SNTG1: variants seen among roughly 807,000 people sequenced by gnomAD.
SNTG1 encodes the protein gamma-1-syntrophin.
SNTG1 carries 39 observed loss-of-function variants against 74.7 expected under a neutral mutation model. The observed-to-expected ratio is 0.52, with a 90% confidence interval of 0.40 to 0.68. The LOEUF is 0.68. Among genes scored for constraint, SNTG1 ranks in the 30% least tolerant of loss-of-function variants. The probability of loss-of-function intolerance (pLI) is 0.00; values close to 1 mark genes in which losing one functional copy is unlikely to be tolerated. For synonymous variants in SNTG1, 254 were observed against 217.1 expected (o/e 1.17, Z -1.49); for missense variants, 685 against 609.5 (o/e 1.12, Z -1.30).
At chr8:50,244,670 G>A (rs1216970423) in intron 2 of SNTG1, among the ~76,000 whole-genome samples, 2 of 152,182 alleles carry the variant, frequency 1.3e-5, no homozygotes, top group African/African-American at 4.8e-5. Context: ...TAGCACAGCA[G>A]ACATTCTCAT....
intron 1 of SNTG1, among the ~76,000 whole-genome samples, chr8:50,047,139 G>A (rs1378418435): frequency 1.3e-5 from 2 of 151,978 alleles, no homozygotes; most frequent in Non-Finnish European, 2.9e-5. Flanking sequence ...GAGCTCAGGA[G>A]ACCAACCTGG....
intron 2 of SNTG1, among the ~76,000 whole-genome samples, chr8:50,180,224 G>A (rs1354501126): frequency 1.3e-5 from 2 of 152,148 alleles, no homozygotes; most frequent in African/African-American, 2.4e-5. Context: ...GGAATCTTAA[G>A]TCAAATACAC....
At chr8:50,379,358 G>C (rs561214558) in intron 2 of SNTG1, among the ~76,000 whole-genome samples, 1 of 152,188 alleles carries the variant, frequency 6.6e-6, no homozygotes, top group African/African-American at 2.4e-5. Context: ...GAGATGCCTT[G>C]GTTTACAGCC....
chr8:50,769,218 T>C (rs1201407725), intron 18 of SNTG1, among the ~76,000 whole-genome samples: 1 of 151,968 alleles, frequency 6.6e-6, no homozygotes, highest in Non-Finnish European at 1.5e-5. Flanking sequence ...TAACATCTTA[T>C]AGATAAAACA....
intron 1 of SNTG1, among the ~76,000 whole-genome samples, chr8:50,127,933 T>C (rs2081198217): frequency 6.6e-6 from 1 of 152,176 alleles, no homozygotes; most frequent in Non-Finnish European, 1.5e-5. Flanking sequence ...ATATCACTTC[T>C]GTATTCAATA....
chr8:50,575,240 G>A (rs1373205445), intron 12 of SNTG1, among the ~76,000 whole-genome samples: 2 of 152,066 alleles, frequency 1.3e-5, no homozygotes, highest in African/African-American at 4.8e-5. Context: ...GTTCGTTTAT[G>A]GGGGCTTTAT....
chr8:50,255,370 T>C (rs2086834651), intron 2 of SNTG1, among the ~76,000 whole-genome samples: 1 of 152,198 alleles, frequency 6.6e-6, no homozygotes, highest in Admixed American at 6.5e-5. Context: ...TAAAGGATAT[T>C]ATCACACTTT....
At chr8:50,138,435 T>A (rs1050850922) in intron 1 of SNTG1, among the ~76,000 whole-genome samples, 1 of 151,672 alleles carries the variant, frequency 6.6e-6, no homozygotes, top group Non-Finnish European at 1.5e-5. Flanking sequence ...CTGGCCAATA[T>A]GGTGAAACTC....
At chr8:50,700,777 A>C (rs1053472297) in intron 15 of SNTG1, among the ~76,000 whole-genome samples, 10 of 152,156 alleles carry the variant, frequency 6.6e-5, no homozygotes, top group Admixed American at 4.6e-4. Context: ...TTATTTTAAC[A>C]TATTTCTCTC....
intron 11 of SNTG1, among the ~76,000 whole-genome samples, chr8:50,547,143 G>A (rs765344949): frequency 6.6e-6 from 1 of 152,084 alleles, no homozygotes; most frequent in Non-Finnish European, 1.5e-5. Context: ...CGTCTGATGC[G>A]GCAGCTGCCC....
chr8:50,115,567 C>CAAAAAAAAAAAAAAA (rs11386539), intron 1 of SNTG1, among the ~76,000 whole-genome samples: 2 of 40,512 alleles, frequency 4.9e-5, no homozygotes, highest in African/African-American at 1.3e-4. Flanking sequence ...GACTCTGTCT[C>CAAAAAAAAAAAAAAA]AAAAAAAAAA....
chr8:50,318,526 T>A (rs531675514), intron 2 of SNTG1, among the ~76,000 whole-genome samples: 3 of 152,252 alleles, frequency 2.0e-5, no homozygotes, highest in African/African-American at 4.8e-5. Context: ...AATCTCTCAA[T>A]TACTCACAAT....
intron 9 of SNTG1, among the ~76,000 whole-genome samples, chr8:50,521,175 AACCAAAC>A (rs1424636455): frequency 4.6e-5 from 7 of 152,290 alleles, no homozygotes; most frequent in African/African-American, 1.7e-4. Context: ...AGGAACAGAA[AACCAAAC>A]ACCAGGTTCT....
chr8:50,356,224 C>G (rs556246993), intron 2 of SNTG1, among the ~76,000 whole-genome samples: 123 of 152,166 alleles, frequency 8.1e-4, no homozygotes, highest in Middle Eastern at 3.4e-3. Context: ...AGGAGCCATT[C>G]AAGTCATTTT....
At chr8:50,024,923 C>T (rs1326791848) in intron 1 of SNTG1, among the ~76,000 whole-genome samples, 1 of 152,012 alleles carries the variant, frequency 6.6e-6, no homozygotes, top group Non-Finnish European at 1.5e-5. Context: ...GATCTCATCA[C>T]GTTACTCAGT....
intron 2 of SNTG1, among the ~76,000 whole-genome samples, chr8:50,235,415 A>T (rs777138864): frequency 1.3e-5 from 2 of 152,196 alleles, no homozygotes; most frequent in African/African-American, 4.8e-5. Context: ...AGAATTAATC[A>T]TTCTGTATAT....
chr8:50,535,572 A>C (rs1024409158), intron 10 of SNTG1, among the ~76,000 whole-genome samples: 2 of 152,192 alleles, frequency 1.3e-5, no homozygotes, highest in African/African-American at 4.8e-5. Context: ...GGGACCCCTC[A>C]CTAAGTGATC....
At chr8:50,439,945 G>A (rs544622768) in intron 5 of SNTG1, among the ~76,000 whole-genome samples, 16 of 150,336 alleles carry the variant, frequency 1.1e-4, no homozygotes, top group South Asian at 1.0e-3. Flanking sequence ...GTTGTTTTTC[G>A]TATTTTAAAT....
chr8:50,205,580 C>T (rs1315798942), intron 2 of SNTG1, among the ~76,000 whole-genome samples: 2 of 152,128 alleles, frequency 1.3e-5, no homozygotes, highest in Non-Finnish European at 2.9e-5. Flanking sequence ...AATTAGATCC[C>T]ATTTGTCCAT....
Sources: allele counts gnomAD v4.1 joint callset (sites outside exome capture counted in the v4.1 genomes callset), GRCh38; gene constraint gnomAD v4.1.1; transcripts MANE v1.5; gene names NCBI Gene and HGNC (gene_info 2026-07-23, HGNC 2026-07-21).